Variants in EPB41L3 observed in about 807,000 individuals in gnomAD.
EPB41L3 encodes erythrocyte membrane protein band 4.1 like 3.
EPB41L3 carries 57 observed loss-of-function variants against 127.1 expected under a neutral mutation model. The observed-to-expected ratio is 0.45, with a 90% CI of 0.36 to 0.56. The LOEUF is 0.56. Among genes scored for constraint, EPB41L3 ranks in the 20% least tolerant of loss-of-function variants. The pLI, the probability that EPB41L3 is intolerant of heterozygous loss-of-function variation, is 0.00. For synonymous variants in EPB41L3, 572 were observed against 549.5 expected, an observed-to-expected ratio of 1.04 and a Z score of -0.57; for missense variants, 1,273 against 1,372.2, an observed-to-expected ratio of 0.93 and a Z score of 1.14.
chr18:5,425,246 A>C (rs2078013955), intron 9 of EPB41L3, among the ~76,000 whole-genome samples: 1 of 152,212 alleles, frequency 6.6e-6, no homozygotes, highest in Admixed American at 6.5e-5. Context: ...TGTGAGATAC[A>C]ATCATGTTTG....
chr18:5,394,657 G>C lies in EPB41L3; in HGVS notation c.*6+20C>G, dbSNP rs2073031139. ...TCATGCCAGCCTAGGCAAGCCTAGA[G>C]AATCGGCATCACCTCTTACCTCTGG... is the stretch of plus-strand genomic sequence containing the variant. On this transcript the variant is annotated intron_variant, in intron 22 of 22. Coordinates refer to ENST00000341928, the MANE Select transcript of EPB41L3 (RefSeq NM_012307.5). The C allele has an allele frequency of 6.3e-7, 1 of 1,594,092 alleles. No individual in the cohort carries two copies. The highest frequency in any genetic ancestry group is 1.1e-5 in the South Asian group (1 of 90,586).
chr18:5,531,837 G>A (rs557964710), intron 1 of EPB41L3, among the ~76,000 whole-genome samples: 1 of 152,090 alleles, frequency 6.6e-6, no homozygotes, highest in South Asian at 2.1e-4. Flanking sequence ...TGAAGTTTCA[G>A]CTTCATTAGC....
At chr18:5,554,229 G>A (rs573721333) in intron 3 of EPB41L3, among the ~76,000 whole-genome samples, 27 of 152,176 alleles carry the variant, frequency 1.8e-4, no homozygotes, top group Middle Eastern at 6.8e-3. Context: ...TTTATTGTCT[G>A]TCTTCTGTCA....
Position 5,434,119 on chromosome 18 carries a change from T to C in EPB41L3, c.608A>G (p.Tyr203Cys). Residue 203 changes from tyrosine (Y) to cysteine (C), a missense_variant and splice_region_variant, in exon 7 of 23, where the codon TAC becomes TGC. Physicochemically the swap from Tyr to Cys is radical, Grantham distance 194 (BLOSUM62 -2). Around this residue, in one of 3 missense-constraint regions of EPB41L3, gnomAD observed 326 missense variants for 440.2 expected, o/e 0.74. Transcript: ENST00000341928. The stretch of plus-strand genomic sequence containing the variant: ...ATCTCGCAACTGCAAGCAGAGGTAG[T>C]ACCTTCCAGGAACCAAAAGCACAAC... ...PAQLSEDITR[Y>C]YLCLQLRDDI... 6.2e-7 allele frequency: 1 copy of C among 1,611,940 alleles called. No homozygotes were observed. Among genetic ancestry groups the C allele is most frequent in the South Asian group, 1.1e-5 (1 of 91,026 alleles).
chr18:5,481,554 T>G (rs12954403), intron 2 of EPB41L3, among the ~76,000 whole-genome samples: 2 of 152,174 alleles, frequency 1.3e-5, no homozygotes, highest in Non-Finnish European at 2.9e-5. Context: ...CCTTAACCCA[T>G]GGGAAGGAAG....
At chr18:5,469,709 A>T (rs12961691) in intron 3 of EPB41L3, among the ~76,000 whole-genome samples, 49,350 of 151,852 alleles carry the variant, frequency 0.32, 8,576 homozygotes, top group East Asian at 0.47. Context: ...CACTACTAAA[A>T]CACAAGTCCA....
chr18:5,547,931 T>C (rs571518200), upstream of EPB41L3, among the ~76,000 whole-genome samples: 3 of 152,340 alleles, frequency 2.0e-5, no homozygotes, highest in South Asian at 4.1e-4. Context: ...GTTAAACTTA[T>C]CTGAACTTTG....
chr18:5,492,453 A>G (rs1482656506), intron 1 of EPB41L3, among the ~76,000 whole-genome samples: 1 of 150,142 alleles, frequency 6.7e-6, no homozygotes, highest in Non-Finnish European at 1.5e-5. Context: ...AGATATTTAC[A>G]TTGCTTTGGT....
intron 3 of EPB41L3, chr18:5,577,261 G>C (rs1182288207): frequency 2.5e-6 from 1 of 395,338 alleles, no homozygotes; most frequent in Non-Finnish European, 4.9e-6. Flanking sequence ...ATCCAATGTA[G>C]AGTTATAATC....
rs1457704153 is a variant in EPB41L3, at chr18:5,602,327, C to G, written c.-306+10013G>C. 2.6e-5 allele frequency among the ~76,000 whole-genome samples: 4 copies of G among 152,138 alleles called. No homozygotes were observed. In the East Asian group the frequency reaches 7.7e-4, roughly 29 times the overall value. On this transcript the variant is annotated intron_variant, in intron 3 of 21. Coordinates refer to the EPB41L3 transcript ENST00000545076. ...CAAAGCTTATATACAAATTGTTTCC[C>G]TAAAAGATGAAGCTGAGCACCTTGT...
At chr18:5,629,278 G>C (rs1037561894), upstream of EPB41L3, among the ~76,000 whole-genome samples, 15 of 152,182 alleles carry the variant, frequency 9.9e-5, no homozygotes, top group African/African-American at 3.6e-4. Flanking sequence ...GAGAGGAGCC[G>C]GCAGCGCGGA....
At chr18:5,629,082 A>G (rs1401527765), upstream of EPB41L3, 1 of 152,128 alleles carries the variant, frequency 6.6e-6, no homozygotes, top group South Asian at 2.1e-4. Flanking sequence ...CCAAGCCTCC[A>G]CCGCAGGTCC....
chr18:5,440,233 ACTACTG>A (rs1349764382), intron 5 of EPB41L3, among the ~76,000 whole-genome samples: 1 of 152,178 alleles, frequency 6.6e-6, no homozygotes, highest in Non-Finnish European at 1.5e-5. Context: ...TTTGAAAATC[ACTACTG>A]CTACTAAGGA....
intron 3 of EPB41L3, among the ~76,000 whole-genome samples, chr18:5,467,261 C>T (rs1346923470): frequency 1.3e-5 from 2 of 152,166 alleles, no homozygotes; most frequent in Non-Finnish European, 2.9e-5. Context: ...TGCTTCGAAG[C>T]TTTATTCTTT....
At chr18:5,430,557 CT>C (rs5822860) in intron 8 of EPB41L3, among the ~76,000 whole-genome samples, 28,310 of 146,218 alleles carry the variant, frequency 0.19, 3,182 homozygotes, top group Non-Finnish European at 0.26. Flanking sequence ...TTTGAGAAAT[CT>C]TTTTTTTTTT....
At chr18:5,411,075 C>T (rs549422502) in intron 13 of EPB41L3, among the ~76,000 whole-genome samples, 2 of 152,310 alleles carry the variant, frequency 1.3e-5, no homozygotes, top group Admixed American at 6.5e-5. Context: ...GCTACTGTAA[C>T]AGTCACTGGA....
chr18:5,458,850 C>T (rs1033194172), intron 3 of EPB41L3, among the ~76,000 whole-genome samples: 1 of 152,130 alleles, frequency 6.6e-6, no homozygotes, highest in Non-Finnish European at 1.5e-5. Flanking sequence ...ATCTTGAAGA[C>T]TAGAGAAAAA....
At chr18:5,538,798 C>T (rs2093642030) in intron 1 of EPB41L3, among the ~76,000 whole-genome samples, 1 of 152,122 alleles carries the variant, frequency 6.6e-6, no homozygotes, top group Non-Finnish European at 1.5e-5. Context: ...AGAAACCATT[C>T]TTCTTTTCTC....
rs765036070 is a variant in EPB41L3 at position 5,489,051 on chromosome 18, G to A, written c.133C>T (p.Leu45=). 4 of 1,595,816 alleles carry A rather than the reference G, an allele frequency of 2.5e-6. No individual in the cohort carries two copies. The highest frequency in any genetic ancestry group is 2.3e-5 in the East Asian group (1 of 44,108). The change falls in exon 2 of 23, where the codon CTG becomes TTG. Residue 45 remains leucine, a synonymous_variant. Transcript: ENST00000341928. ...GCTGCAGCGGCGGCGAACTGCTCCAGGGCCTGCTGCTGCTCCTCCTTGGGC... is the reference window on the plus strand; with the variant it reads ...GCTGCAGCGGCGGCGAACTGCTCCAAGGCCTGCTGCTGCTCCTCCTTGGGC... ...EPPKEEQQQA[L]EQFAAAAAHS... is the part of the protein sequence containing the mutation.
Sources: allele counts gnomAD v4.1 joint callset (sites outside exome capture counted in the v4.1 genomes callset), GRCh38; gene constraint gnomAD v4.1.1; regional missense constraint gnomAD v4.1.1; transcripts MANE v1.5; gene names NCBI Gene and HGNC (gene_info 2026-07-23, HGNC 2026-07-21).